The following RFX2 variants were observed in gnomAD, a reference collection of about 807,000 sequenced individuals.
RFX2 encodes the protein regulatory factor X2, also known as DNA-binding protein RFX2.
RFX2 carries 20 observed loss-of-function variants against 87.8 expected under a neutral mutation model. The observed-to-expected ratio is 0.23, with a 90% CI of 0.16 to 0.33. RFX2 has a LOEUF of 0.33. RFX2 is among the 10% of genes least tolerant of loss of function. The pLI, the probability that RFX2 is intolerant of heterozygous loss-of-function variation, is 1.00. For synonymous variants in RFX2, 397 were observed against 431.3 expected, an observed-to-expected ratio of 0.92 and a Z score of 0.98; for missense variants, 767 against 1,012.3, an observed-to-expected ratio of 0.76 and a Z score of 3.29.
At chr19:6,051,036 A>G (rs2087260384) in intron 1 of RFX2, among the ~76,000 whole-genome samples, 1 of 152,158 alleles carries the variant, frequency 6.6e-6, no homozygotes, top group African/African-American at 2.4e-5. Context: ...CCAGAATTCT[A>G]TCTCCAGCAA....
intron 1 of RFX2, among the ~76,000 whole-genome samples, chr19:6,054,932 G>C (rs1275020784): frequency 6.6e-6 from 1 of 152,122 alleles, no homozygotes; most frequent in Admixed American, 6.5e-5. Context: ...GCCACAGCCT[G>C]GGAGAAATAT....
At chr19:6,052,906 A>C (rs1001181468) in intron 1 of RFX2, among the ~76,000 whole-genome samples, 4 of 152,196 alleles carry the variant, frequency 2.6e-5, no homozygotes, top group African/African-American at 9.6e-5. Flanking sequence ...GGGTGAAAAA[A>C]AGAAGTAAAA....
chr19:6,098,686 A>G (rs2088064539), intron 1 of RFX2, among the ~76,000 whole-genome samples: 1 of 152,108 alleles, frequency 6.6e-6, no homozygotes, highest in Non-Finnish European at 1.5e-5. Context: ...CTAAAAAAGA[A>G]CTGGAAAAAA....
intron 1 of RFX2, among the ~76,000 whole-genome samples, chr19:6,079,113 G>C (rs1396841666): frequency 6.6e-6 from 1 of 152,158 alleles, no homozygotes; most frequent in East Asian, 1.9e-4. Flanking sequence ...TAATTCATTG[G>C]TAAACATTCT....
rs985968944 is a variant in RFX2, at chr19:5,999,332, G to A, written c.1860-2119C>T. Among the ~76,000 whole-genome samples the A allele has an allele frequency of 2.0e-5, 3 of 152,224 alleles. No individual in the cohort carries two copies. The highest frequency in any genetic ancestry group is 1.9e-4 in the East Asian group (1 of 5,156). ...TGAAGAGCACCCCCACCTTGCAGAC[G>A]TGACCCCGATCCCCTCCAGCTCTGA... On this transcript the variant is annotated intron_variant, in intron 15 of 17. Coordinates refer to ENST00000303657, the MANE Select transcript of RFX2 (RefSeq NM_000635.4). This position sits in a 1 kb window ranked among gnomAD's most constrained non-coding sequence, Gnocchi z 4.1.
At position 6,039,845 on chromosome 19, in the gene RFX2, T is replaced by A; in HGVS notation, c.522+135A>T. The A allele has an allele frequency of 9.1e-7, 1 of 1,094,516 alleles. No individual in the cohort carries two copies. The highest frequency in any genetic ancestry group is 1.3e-6 in the Non-Finnish European group (1 of 794,684). 67.8% of individuals were successfully genotyped at this position (1,094,516 alleles called of 1,614,324 possible). A position where few individuals can be genotyped will look rare whatever the true frequency, so the allele number is the denominator to read the frequency against. On this transcript the variant is annotated intron_variant, in intron 5 of 17. Coordinates refer to ENST00000303657, the MANE Select transcript of RFX2 (RefSeq NM_000635.4). This position sits in a 1 kb window ranked among gnomAD's most constrained non-coding sequence, Gnocchi z 5.2. ...CCCGTCTGAGGCTGGCCCGACTCCA[T>A]CGTGGGGCCGCCTGGGCCCAGAGCA...
In RFX2 at chr19:6,040,667, G is replaced by A. The variant is rs908180306; in HGVS notation, c.261-426C>T. Reference sequence around the variant, plus strand: ...CCAGCTACTCAGGAGGCTGAGGTGGGAGGACTGCTTGAGCCCAGGACTTTG... The same window carrying A: ...CCAGCTACTCAGGAGGCTGAGGTGGAAGGACTGCTTGAGCCCAGGACTTTG... On this transcript the variant is annotated intron_variant, in intron 4 of 17. Transcript: ENST00000303657. The surrounding 1 kb of genome is among the most constrained non-coding windows in gnomAD (Gnocchi z 6.1). 6.6e-6 allele frequency among the ~76,000 whole-genome samples: 1 copy of A among 152,196 alleles called. No individual in the cohort carries two copies. Among genetic ancestry groups the A allele is most frequent in the Non-Finnish European group, 1.5e-5 (1 of 68,028 alleles).
chr19:6,011,867 C>CA lies in RFX2; in HGVS notation c.899+1118dup, dbSNP rs1418732937. Among the ~76,000 whole-genome samples, 1 of 152,220 alleles carries CA rather than the reference C, an allele frequency of 6.6e-6. No homozygotes were observed. Among genetic ancestry groups the CA allele is most frequent in the East Asian group, 1.9e-4 (1 of 5,190 alleles). ...GCTATTGCAATGTGGCCCCTGCCCTCAGGGGGGGCACTTGTGGAGGCACAC... is the reference window on the plus strand; with the variant it reads ...GCTATTGCAATGTGGCCCCTGCCCTCAAGGGGGGGCACTTGTGGAGGCACAC... On this transcript the variant is annotated intron_variant, in intron 8 of 17. Transcript: ENST00000303657. The surrounding 1 kb of genome is among the most constrained non-coding windows in gnomAD (Gnocchi z 4.8).
At position 6,022,699 on chromosome 19, in the gene RFX2, T is replaced by C. The variant is rs2086832957; in HGVS notation, c.597+3464A>G. On this transcript the variant is annotated intron_variant, in intron 6 of 17. Transcript: ENST00000303657. This position sits in a 1 kb window ranked among gnomAD's most constrained non-coding sequence, Gnocchi z 6.2. ...GCGCCATATCATGCCCTTTTCCAGT[T>C]TGGACACTGCTAGGGGGCCTCCTCC... 2.6e-5 allele frequency among the ~76,000 whole-genome samples: 4 copies of C among 152,238 alleles called. No individual in the cohort carries two copies. The highest frequency in any genetic ancestry group is 5.9e-5 in the Non-Finnish European group (4 of 68,036).
intron 1 of RFX2, among the ~76,000 whole-genome samples, chr19:6,108,733 T>C (rs896708085): frequency 2.0e-5 from 3 of 152,110 alleles, no homozygotes; most frequent in Non-Finnish European, 4.4e-5. Context: ...CAGCCAGCCC[T>C]GGGTCCCGAG....
chr19:6,065,415 G>A (rs2087494642), intron 1 of RFX2, among the ~76,000 whole-genome samples: 1 of 152,180 alleles, frequency 6.6e-6, no homozygotes, highest in African/African-American at 2.4e-5. Flanking sequence ...GGGAGGCCGA[G>A]GCAGGTGGAT....
chr19:6,090,012 A>G (rs2087910933), intron 1 of RFX2, among the ~76,000 whole-genome samples: 1 of 152,156 alleles, frequency 6.6e-6, no homozygotes, highest in Admixed American at 6.6e-5. Context: ...CTCAGGCTGG[A>G]GTACAGTGGC....
Position 5,997,417 on chromosome 19 carries a change from C to T in RFX2, c.1860-204G>A. The stretch of plus-strand genomic sequence containing the variant: ...CCACGTGACGGACAGGTGGGGCCGG[C>T]CTGCGCGCTCAGTTCCAGAGACCAC... On this transcript the variant is annotated intron_variant, in intron 15 of 17. Coordinates refer to ENST00000303657, the MANE Select transcript of RFX2 (RefSeq NM_000635.4). This position sits in a 1 kb window ranked among gnomAD's most constrained non-coding sequence, Gnocchi z 4.2. The T allele has an allele frequency of 1.7e-6, 1 of 571,592 alleles. No homozygotes were observed. Among genetic ancestry groups the T allele is most frequent in the Non-Finnish European group, 3.0e-6 (1 of 331,442 alleles). 35.4% of individuals were successfully genotyped at this position (571,592 alleles called of 1,614,324 possible).
chr19:6,010,838 C>T lies in RFX2; in HGVS notation c.900-587G>A, dbSNP rs149104793. Among the ~76,000 whole-genome samples, 970 of 152,242 alleles carry T rather than the reference C, an allele frequency of 6.4e-3. 6 individuals are homozygous for T. The Middle Eastern group carries it at 0.078, about 12-fold the overall frequency. ...TAGAAAAAAAAGTGAAATTCTTGGC[C>T]GGGCGCAGGGGCTCACGCCTGTAAT... On this transcript the variant is annotated intron_variant, in intron 8 of 17. Transcript: ENST00000303657. The surrounding 1 kb of genome is among the most constrained non-coding windows in gnomAD (Gnocchi z 5.0).
intron 3 of RFX2, among the ~76,000 whole-genome samples, chr19:6,043,312 C>A (rs941799050): frequency 1.3e-5 from 2 of 152,210 alleles, no homozygotes; most frequent in African/African-American, 2.4e-5. Flanking sequence ...CTGTCTGGAG[C>A]CTTTTCCTTC....
In RFX2 at chr19:6,040,070, G is replaced by A. The variant is rs1417246040; in HGVS notation, c.432C>T (p.Ile144=). ...GITMDVGGSP[I]VSSAGAYLIH... ...TGAGATAGGCTCCCGCGCTGGAGAC[G>A]ATGGGGCTCCCCCCGACATCCATGG... Residue 144 remains isoleucine (I), a synonymous_variant, in exon 5 of 18, where the codon ATC becomes ATT. Transcript: ENST00000303657. This position sits in a 1 kb window ranked among gnomAD's most constrained non-coding sequence, Gnocchi z 6.1. 1.1e-5 allele frequency: 17 copies of A among 1,612,224 alleles called. No homozygotes were observed. The highest frequency in any genetic ancestry group is 1.7e-4 in the Middle Eastern group (1 of 5,990).
At chr19:6,093,694 G>A (rs759500102) in intron 1 of RFX2, among the ~76,000 whole-genome samples, 6 of 151,082 alleles carry the variant, frequency 4.0e-5, no homozygotes, top group Non-Finnish European at 2.9e-5. Flanking sequence ...GCAGAAAAGT[G>A]AGAAAAATAA....
chr19:6,081,135 C>T (rs2087777360), intron 1 of RFX2, among the ~76,000 whole-genome samples: 1 of 151,886 alleles, frequency 6.6e-6, no homozygotes, highest in Non-Finnish European at 1.5e-5. Flanking sequence ...AAAGAGCACT[C>T]TTCTTAGATT....
intron 1 of RFX2, among the ~76,000 whole-genome samples, chr19:6,051,979 G>A (rs539645585): frequency 2.0e-5 from 3 of 152,206 alleles, no homozygotes; most frequent in East Asian, 1.9e-4. Context: ...CCAGGTTCAC[G>A]CCATTCTCCT....
Sources: allele counts gnomAD v4.1 joint callset (sites outside exome capture counted in the v4.1 genomes callset), GRCh38; gene constraint gnomAD v4.1.1; non-coding constraint Gnocchi (gnomAD v3.1); transcripts MANE v1.5; gene names NCBI Gene and HGNC (gene_info 2026-07-23, HGNC 2026-07-21).